RSRC1: variants seen among roughly 807,000 people sequenced by gnomAD.
RSRC1 encodes serine/Arginine-related protein 53.
Under a neutral mutation model 49.1 loss-of-function variants are expected in RSRC1, and 39 were observed. The ratio of observed to expected loss-of-function variants is 0.79; its 90% CI spans 0.61 to 1.04. The LOEUF (loss-of-function observed/expected upper bound fraction) is 1.04. RSRC1 is among the 50% of genes least tolerant of loss of function. The pLI is 0.00. For missense variants in RSRC1, 388 were observed against 402.4 expected, an observed-to-expected ratio of 0.96 and a Z score of 0.31; for synonymous variants, 143 against 130.8, an observed-to-expected ratio of 1.09 and a Z score of -0.63.
chr3:158,482,952 G>C (rs896366170), intron 7 of RSRC1, among the ~76,000 whole-genome samples: 2 of 151,838 alleles, frequency 1.3e-5, no homozygotes, highest in African/African-American at 4.8e-5. Context: ...CTGGTTTGCT[G>C]TTAAATATTC....
intron 7 of RSRC1, among the ~76,000 whole-genome samples, chr3:158,525,019 G>C (rs1711920194): frequency 6.6e-6 from 1 of 151,952 alleles, no homozygotes; most frequent in Non-Finnish European, 1.5e-5. Context: ...AGTATGCAAA[G>C]ATTTTTTGGA....
chr3:158,157,914 T>TA (rs920663697), intron 3 of RSRC1, among the ~76,000 whole-genome samples: 12 of 147,436 alleles, frequency 8.1e-5, no homozygotes, highest in Admixed American at 2.0e-4. Flanking sequence ...AAACTCTGTC[T>TA]AAAAAAAAAA....
At chr3:158,161,398 G>A (rs1007135044) in intron 3 of RSRC1, among the ~76,000 whole-genome samples, 7 of 152,168 alleles carry the variant, frequency 4.6e-5, no homozygotes, top group Non-Finnish European at 8.8e-5. Context: ...TGTCACTTCT[G>A]CCAACATTTC....
In RSRC1 at chr3:158,286,887, C is replaced by T. The variant is rs370247794; in HGVS notation, c.495-11152C>T. ...TGTCACCCAGGCTGGAGTGCAGTGG[C>T]ACGATCTCAGCTCACTGCAACCTCT... On this transcript the variant is annotated intron_variant, in intron 4 of 9. Transcript: ENST00000611884. Among the ~76,000 whole-genome samples, 132 of 152,320 alleles carry T rather than the reference C, an allele frequency of 8.7e-4. 2 individuals are homozygous for T. In the South Asian group the frequency reaches 0.011, roughly 13 times the overall value.
chr3:158,533,921 C>CACA (rs1712566896), intron 7 of RSRC1, among the ~76,000 whole-genome samples: 3 of 151,592 alleles, frequency 2.0e-5, no homozygotes, highest in Non-Finnish European at 4.4e-5. Context: ...AAAGAATCTT[C>CACA]TCTCATTTCA....
At chr3:158,380,528 C>T (rs34434866) in intron 6 of RSRC1, among the ~76,000 whole-genome samples, 34,134 of 152,034 alleles carry the variant, frequency 0.22, 4,364 homozygotes, top group Non-Finnish European at 0.29. Context: ...TAACAGTTCC[C>T]GGTTTACAAA....
chr3:158,155,873 G>C (rs956499027), intron 3 of RSRC1, among the ~76,000 whole-genome samples: 5 of 152,222 alleles, frequency 3.3e-5, no homozygotes, highest in Admixed American at 6.5e-5. Context: ...AGCACAGGCA[G>C]AGTAGATTTA....
At chr3:158,166,677 T>C (rs910510588) in intron 3 of RSRC1, among the ~76,000 whole-genome samples, 3 of 152,210 alleles carry the variant, frequency 2.0e-5, no homozygotes, top group African/African-American at 7.2e-5. Context: ...GCAATGCATA[T>C]TTCTTAGGAA....
intron 6 of RSRC1, among the ~76,000 whole-genome samples, chr3:158,432,459 T>C (rs1328481284): frequency 2.0e-5 from 3 of 151,952 alleles, no homozygotes; most frequent in African/African-American, 7.2e-5. Context: ...ATTTTTACCT[T>C]TGCTTCCTGG....
intron 6 of RSRC1, among the ~76,000 whole-genome samples, chr3:158,447,809 A>C (rs1283592592): frequency 6.6e-6 from 1 of 151,904 alleles, no homozygotes; most frequent in East Asian, 1.9e-4. Flanking sequence ...ATAATGTAAA[A>C]ATTAGGAAAA....
At chr3:158,401,624 G>C (rs143068639) in intron 6 of RSRC1, among the ~76,000 whole-genome samples, 1 of 151,948 alleles carries the variant, frequency 6.6e-6, no homozygotes, top group Admixed American at 6.6e-5. Flanking sequence ...CTGGCTTTTA[G>C]TAATTCAACT....
At chr3:158,227,807 T>C (rs1243654823) in intron 4 of RSRC1, among the ~76,000 whole-genome samples, 1 of 152,072 alleles carries the variant, frequency 6.6e-6, no homozygotes, top group African/African-American at 2.4e-5. Context: ...CTTAACTCTG[T>C]TCCTGTGGTT....
chr3:158,391,448 G>A (rs745972710), intron 6 of RSRC1, among the ~76,000 whole-genome samples: 1 of 152,166 alleles, frequency 6.6e-6, no homozygotes, highest in Non-Finnish European at 1.5e-5. Flanking sequence ...CCAGGAGGAA[G>A]AGCTGTCCTA....
intron 6 of RSRC1, among the ~76,000 whole-genome samples, chr3:158,375,036 A>G (rs1415502988): frequency 6.6e-6 from 1 of 152,026 alleles, no homozygotes; most frequent in Non-Finnish European, 1.5e-5. Flanking sequence ...TAATTTGGAA[A>G]GGTTACTAAG....
At chr3:158,215,754 GA>G (rs1405182949) in intron 4 of RSRC1, among the ~76,000 whole-genome samples, 1 of 151,738 alleles carries the variant, frequency 6.6e-6, no homozygotes, top group Non-Finnish European at 1.5e-5. Flanking sequence ...TTGGAATGTG[GA>G]AATGTAACTA....
intron 3 of RSRC1, among the ~76,000 whole-genome samples, chr3:158,134,584 C>A (rs927308932): frequency 6.6e-6 from 1 of 151,986 alleles, no homozygotes; most frequent in African/African-American, 2.4e-5. Context: ...TCACAAAGAT[C>A]AAGGCTGTTA....
intron 4 of RSRC1, among the ~76,000 whole-genome samples, chr3:158,284,179 G>C (rs1726362120): frequency 6.6e-6 from 1 of 151,680 alleles, no homozygotes; most frequent in Non-Finnish European, 1.5e-5. Context: ...TACTGAGAAT[G>C]ATGATTTCCA....
chr3:158,283,034 C>G (rs1414628594), intron 4 of RSRC1, among the ~76,000 whole-genome samples: 3 of 152,068 alleles, frequency 2.0e-5, no homozygotes, highest in Admixed American at 6.6e-5. Flanking sequence ...TTCATTATCT[C>G]TATTTCACAT....
At chr3:158,415,641 A>G (rs371236756) in intron 6 of RSRC1, among the ~76,000 whole-genome samples, 1 of 152,080 alleles carries the variant, frequency 6.6e-6, no homozygotes, top group East Asian at 1.9e-4. Context: ...AATAATTCTT[A>G]TTAATTAATA....
Sources: allele counts gnomAD v4.1 joint callset (sites outside exome capture counted in the v4.1 genomes callset), GRCh38; gene constraint gnomAD v4.1.1; transcripts MANE v1.5; gene names NCBI Gene and HGNC (gene_info 2026-07-23, HGNC 2026-07-21).